PARD3: variants seen among roughly 807,000 people sequenced by gnomAD.
The protein encoded by PARD3 is partitioning defective 3 homolog.
Under a neutral mutation model 155.4 loss-of-function variants are expected in PARD3, and 75 were observed. That is an observed-to-expected ratio of 0.48 (90% CI 0.40 to 0.58). PARD3 has a LOEUF of 0.58. Among genes scored for constraint, PARD3 ranks in the 20% least tolerant of loss-of-function variants. The probability of loss-of-function intolerance (pLI) is 0.00; values close to 1 mark genes in which losing one functional copy is unlikely to be tolerated. For missense variants in PARD3, 1,642 were observed against 1,721.7 expected, an observed-to-expected ratio of 0.95 and a Z score of 0.82; for synonymous variants, 576 against 610.5, an observed-to-expected ratio of 0.94 and a Z score of 0.83.
chr10:34,774,948 T>C (rs1234939504), intron 1 of PARD3, among the ~76,000 whole-genome samples: 3 of 152,248 alleles, frequency 2.0e-5, no homozygotes, highest in African/African-American at 4.8e-5. Context: ...TATGTAATAG[T>C]AGAACCCAGT....
chr10:34,330,278 G>C (rs1835475441), intron 19 of PARD3, among the ~76,000 whole-genome samples: 1 of 151,988 alleles, frequency 6.6e-6, no homozygotes, highest in African/African-American at 2.4e-5. Flanking sequence ...CTTTTTAATA[G>C]AATGTTTACT....
intron 12 of PARD3, among the ~76,000 whole-genome samples, chr10:34,365,900 T>TA (rs1162316092): frequency 2.0e-5 from 3 of 152,080 alleles, no homozygotes; most frequent in South Asian, 2.1e-4. Flanking sequence ...GAAAATCATT[T>TA]AAAAAAATAC....
chr10:34,701,946 T>C (rs900167036), intron 1 of PARD3, among the ~76,000 whole-genome samples: 6 of 152,188 alleles, frequency 3.9e-5, no homozygotes, highest in South Asian at 4.2e-4. Context: ...GTGGATCACT[T>C]GAGGTCAAGA....
chr10:34,643,787 C>T (rs796114032), intron 2 of PARD3, among the ~76,000 whole-genome samples: 60 of 152,178 alleles, frequency 3.9e-4, no homozygotes, highest in African/African-American at 1.4e-3. Context: ...CATGGTGGTG[C>T]GCACCTGTAG....
chr10:34,516,550 C>T (rs1460000575), intron 3 of PARD3, among the ~76,000 whole-genome samples: 11 of 152,126 alleles, frequency 7.2e-5, no homozygotes, highest in Admixed American at 1.3e-4. Flanking sequence ...AACTTTGACA[C>T]GGCGGTCTCT....
intron 14 of PARD3, among the ~76,000 whole-genome samples, chr10:34,350,824 C>G (rs1322054247): frequency 1.3e-5 from 2 of 152,100 alleles, no homozygotes; most frequent in African/African-American, 4.8e-5. Context: ...AGTCTTTCTA[C>G]CTATTAAAGA....
At chr10:34,442,660 G>T (rs562666887) in intron 5 of PARD3, among the ~76,000 whole-genome samples, 40 of 152,226 alleles carry the variant, frequency 2.6e-4, no homozygotes, top group Non-Finnish European at 1.8e-4. Flanking sequence ...CTTGAAGCCA[G>T]GAGTTTGAGA....
At chr10:34,336,877 A>T (rs916719269) in intron 17 of PARD3, among the ~76,000 whole-genome samples, 1 of 152,184 alleles carries the variant, frequency 6.6e-6, no homozygotes, top group Non-Finnish European at 1.5e-5. Context: ...ACATGGATTG[A>T]GATAATGGTT....
At chr10:34,474,245 T>C (rs988348148) in intron 3 of PARD3, among the ~76,000 whole-genome samples, 1 of 152,164 alleles carries the variant, frequency 6.6e-6, no homozygotes, top group African/African-American at 2.4e-5. Flanking sequence ...TTTCTTATGG[T>C]TGGAAGTGCT....
chr10:34,150,933 T>C (rs1948749310), intron 22 of PARD3, among the ~76,000 whole-genome samples: 1 of 152,186 alleles, frequency 6.6e-6, no homozygotes, highest in Non-Finnish European at 1.5e-5. Context: ...ACATACATGT[T>C]TTGTCCCTTC....
intron 2 of PARD3, among the ~76,000 whole-genome samples, chr10:34,561,783 G>T (rs2085499107): frequency 6.6e-6 from 1 of 151,610 alleles, no homozygotes; most frequent in South Asian, 2.1e-4. Context: ...CTCCCAAAGT[G>T]CTGGGATTAC....
intron 2 of PARD3, among the ~76,000 whole-genome samples, chr10:34,602,244 C>A (rs2089850572): frequency 6.6e-6 from 1 of 151,862 alleles, no homozygotes; most frequent in Non-Finnish European, 1.5e-5. Context: ...TTTCACTTTT[C>A]AAAAAAAATT....
chr10:34,523,740 T>A (rs1184451516), intron 2 of PARD3, among the ~76,000 whole-genome samples: 1 of 152,210 alleles, frequency 6.6e-6, no homozygotes, highest in Non-Finnish European at 1.5e-5. Context: ...GAAATAAATT[T>A]CAAAAACTTA....
chr10:34,726,685 C>A (rs1300859003), intron 1 of PARD3, among the ~76,000 whole-genome samples: 3 of 151,846 alleles, frequency 2.0e-5, no homozygotes, highest in Non-Finnish European at 4.4e-5. Context: ...ATCACTTGAA[C>A]CTAGGAGGTG....
At chr10:34,550,049 C>G (rs189900417) in intron 2 of PARD3, among the ~76,000 whole-genome samples, 1 of 152,246 alleles carries the variant, frequency 6.6e-6, no homozygotes, top group Admixed American at 6.5e-5. Context: ...TGGCCGACTA[C>G]GTTAAAAGAA....
At chr10:34,252,016 G>A (rs1252489563) in intron 22 of PARD3, among the ~76,000 whole-genome samples, 1 of 152,182 alleles carries the variant, frequency 6.6e-6, no homozygotes, top group Non-Finnish European at 1.5e-5. Context: ...CTAGTTGGAG[G>A]AGACGGATGA....
intron 2 of PARD3, among the ~76,000 whole-genome samples, chr10:34,520,183 A>G (rs538340624): frequency 6.6e-6 from 1 of 152,324 alleles, no homozygotes; most frequent in South Asian, 2.1e-4. Context: ...TTCCATGAAC[A>G]TTTATATATC....
At chr10:34,117,384 T>C (rs1479733635) in intron 24 of PARD3, among the ~76,000 whole-genome samples, 1 of 151,992 alleles carries the variant, frequency 6.6e-6, no homozygotes. Flanking sequence ...GGCCAATTCG[T>C]CCACACTGTC....
intron 21 of PARD3, among the ~76,000 whole-genome samples, chr10:34,271,005 T>C (rs1955587695): frequency 6.6e-6 from 1 of 152,152 alleles, no homozygotes; most frequent in African/African-American, 2.4e-5. Context: ...AAACCCTCAA[T>C]AAAATTTTAA....
Sources: allele counts gnomAD v4.1 joint callset (sites outside exome capture counted in the v4.1 genomes callset), GRCh38; gene constraint gnomAD v4.1.1; transcripts MANE v1.5; gene names NCBI Gene and HGNC (gene_info 2026-07-23, HGNC 2026-07-21).